The following DCAF5 variants were observed in gnomAD, a reference collection of about 807,000 sequenced individuals.
DCAF5 encodes DDB1- and CUL4-associated factor 5.
DCAF5 carries 9 observed loss-of-function variants against 80.7 expected under a neutral mutation model. That is an observed-to-expected ratio of 0.11 (90% confidence interval 0.07 to 0.19). The LOEUF (loss-of-function observed/expected upper bound fraction) is 0.19. DCAF5 is among the 10% of genes least tolerant of loss of function. DCAF5 has a pLI of 1.00. For missense variants in DCAF5, 842 were observed against 1,205.7 expected (o/e 0.70, Z 4.47); for synonymous variants, 433 against 461.9 (o/e 0.94, Z 0.80).
chr14:69,133,883 A>G (rs1166655484), intron 1 of DCAF5, among the ~76,000 whole-genome samples: 1 of 152,230 alleles, frequency 6.6e-6, no homozygotes, highest in Non-Finnish European at 1.5e-5. Context: ...AGACAGCTAG[A>G]GCCCCATAAA....
At chr14:69,123,288 C>T (rs2040779782) in intron 1 of DCAF5, among the ~76,000 whole-genome samples, 1 of 152,196 alleles carries the variant, frequency 6.6e-6, no homozygotes, top group South Asian at 2.1e-4. Context: ...ACAGCAGAAA[C>T]CTTGTCAGTT....
chr14:69,095,645 C>A (rs1459184798), intron 5 of DCAF5, among the ~76,000 whole-genome samples: 2 of 152,112 alleles, frequency 1.3e-5, no homozygotes, highest in Non-Finnish European at 1.5e-5. Context: ...AAGGCTAAAG[C>A]CTGGGAACAC....
At chr14:69,121,759 C>T (rs374761499) in intron 2 of DCAF5, among the ~76,000 whole-genome samples, 12 of 152,132 alleles carry the variant, frequency 7.9e-5, no homozygotes, top group African/African-American at 2.9e-4. Context: ...TGAGCACCAG[C>T]CATTCCAATT....
intron 1 of DCAF5, among the ~76,000 whole-genome samples, chr14:69,144,940 T>C (rs1566792264): frequency 6.6e-6 from 1 of 152,194 alleles, no homozygotes; most frequent in Non-Finnish European, 1.5e-5. Context: ...AATCCTTCCA[T>C]TTCTCCGATC....
intron 6 of DCAF5, among the ~76,000 whole-genome samples, chr14:69,091,397 T>C (rs1217097790): frequency 1.3e-5 from 2 of 152,174 alleles, no homozygotes; most frequent in Non-Finnish European, 2.9e-5. Flanking sequence ...TGGCACATTC[T>C]TAGAATCTTA....
chr14:69,111,389 TATAAG>T (rs1305685835), intron 5 of DCAF5, among the ~76,000 whole-genome samples: 7 of 152,206 alleles, frequency 4.6e-5, no homozygotes, highest in Admixed American at 2.0e-4. Context: ...AGCACCGTCT[TATAAG>T]ATAAGTCTTT....
chr14:69,087,433 C>T (rs530603162), intron 6 of DCAF5, among the ~76,000 whole-genome samples: 2 of 152,266 alleles, frequency 1.3e-5, no homozygotes, highest in Non-Finnish European at 2.9e-5. Context: ...AGAGTCCGCA[C>T]TATATTGCAA....
At chr14:69,095,452 T>C (rs1026409155) in intron 5 of DCAF5, among the ~76,000 whole-genome samples, 5 of 152,126 alleles carry the variant, frequency 3.3e-5, no homozygotes, top group African/African-American at 4.8e-5. Context: ...CCAAAAGACC[T>C]AGGGCGAAAA....
chr14:69,054,550 T>C lies in DCAF5; in HGVS notation c.2136A>G (p.Leu712=), dbSNP rs745346290. The change falls in exon 9 of 9, where the codon CTA becomes CTG. Residue 712 remains leucine (L), a synonymous_variant. Coordinates refer to ENST00000341516, the MANE Select transcript of DCAF5 (RefSeq NM_003861.3). ...GGTTCCTCTGGGCCATTGCTATGTT[T>C]AGACAGGCTTCCTTACTGGAAGAAG... ...PAPSSSKEAC[L]NIAMAQRNQD... is the part of the protein sequence containing the mutation. The C allele has an allele frequency of 1.2e-6, 2 of 1,614,218 alleles. No homozygotes were observed. The highest frequency in any genetic ancestry group is 1.7e-6 in the Non-Finnish European group (2 of 1,180,018).
rs2037831084 is a variant in DCAF5, at chr14:69,053,620, G to C, written c.*237C>G. ...ACTACGCTCACGTCTCACTAGAAAG[G>C]AGTCACTTGGGTTATTTTTTTTTCC... On this transcript the variant is annotated 3_prime_UTR_variant, in exon 9 of 9. Transcript: ENST00000341516. The C allele has an allele frequency of 2.0e-6, 1 of 496,302 alleles. No individual in the cohort carries two copies. The highest frequency in any genetic ancestry group is 3.6e-5 in the East Asian group (1 of 27,534). The allele number at this position is 496,302 out of a possible 1,614,324, so 30.7% of individuals were successfully genotyped here. A position where few individuals can be genotyped will look rare whatever the true frequency, so the allele number is the denominator to read the frequency against.
chr14:69,138,007 C>T (rs1157346581), intron 1 of DCAF5, among the ~76,000 whole-genome samples: 2 of 152,096 alleles, frequency 1.3e-5, no homozygotes, highest in African/African-American at 4.8e-5. Flanking sequence ...AAACTCATCC[C>T]CCACAGATGA....
At chr14:69,087,445 A>C (rs1201559982) in intron 6 of DCAF5, among the ~76,000 whole-genome samples, 1 of 152,230 alleles carries the variant, frequency 6.6e-6, no homozygotes, top group Non-Finnish European at 1.5e-5. Context: ...ATATTGCAAG[A>C]CTAGAAGGTA....
intron 1 of DCAF5, among the ~76,000 whole-genome samples, chr14:69,151,797 G>C (rs1452941831): frequency 6.6e-6 from 1 of 152,148 alleles, no homozygotes; most frequent in Non-Finnish European, 1.5e-5. Flanking sequence ...GGAGCAATAG[G>C]CTATCGATTC....
intron 6 of DCAF5, among the ~76,000 whole-genome samples, chr14:69,076,927 C>T (rs1199752054): frequency 6.6e-6 from 1 of 152,182 alleles, no homozygotes; most frequent in Non-Finnish European, 1.5e-5. Context: ...CCATCACCAA[C>T]ATAGCCATGA....
At position 69,090,825 on chromosome 14, in the gene DCAF5, G is replaced by A. The variant is rs539595109; in HGVS notation, c.879+849C>T. The A allele has an allele frequency of 2.8e-4, 114 of 406,190 alleles. No individual in the cohort carries two copies. The East Asian group carries it at 4.2e-3, about 15-fold the overall frequency. The allele number at this position is 406,190 out of a possible 1,614,324, so 25.2% of individuals were successfully genotyped here. A position where few individuals can be genotyped will look rare whatever the true frequency, so the allele number is the denominator to read the frequency against. On this transcript the variant is annotated intron_variant, in intron 6 of 8. Coordinates refer to ENST00000341516, the MANE Select transcript of DCAF5 (RefSeq NM_003861.3). ...AAAGATAAGAACACTAAACATTAGC[G>A]AGAGACTAAGGTTTTTCTTTTTCCC...
Position 69,055,642 on chromosome 14 carries a change from AG to A in DCAF5, c.1075-32del, listed in dbSNP as rs1194909232. 2 of 1,566,602 alleles carry A rather than the reference AG, an allele frequency of 1.3e-6. No homozygotes were observed. Among genetic ancestry groups the A allele is most frequent in the Admixed American group, 3.6e-5 (2 of 56,094 alleles). The stretch of plus-strand genomic sequence containing the variant: ...CAGAAAATGAAAAACAAAAGCAACA[AG>A]GAGTAACTGGAAAGTATTCTTTCAC... On this transcript the variant is annotated intron_variant, in intron 8 of 8. Coordinates refer to ENST00000341516, the MANE Select transcript of DCAF5 (RefSeq NM_003861.3). The surrounding 1 kb of genome is among the most constrained non-coding windows in gnomAD (Gnocchi z 5.6).
intron 1 of DCAF5, among the ~76,000 whole-genome samples, chr14:69,126,761 T>C (rs2040887907): frequency 6.6e-6 from 1 of 152,134 alleles, no homozygotes; most frequent in Admixed American, 6.5e-5. Flanking sequence ...CACGTAAGTA[T>C]AATCAACTGA....
chr14:69,126,687 T>C (rs2040885382), intron 1 of DCAF5, among the ~76,000 whole-genome samples: 1 of 152,134 alleles, frequency 6.6e-6, no homozygotes, highest in South Asian at 2.1e-4. Context: ...CAAGACAGTA[T>C]AATACTGGCA....
intron 8 of DCAF5, among the ~76,000 whole-genome samples, chr14:69,061,989 T>C (rs1453374098): frequency 6.6e-6 from 1 of 152,174 alleles, no homozygotes; most frequent in African/African-American, 2.4e-5. Context: ...ACCCTGTCTC[T>C]AAAAAAATTT....
Sources: allele counts gnomAD v4.1 joint callset (sites outside exome capture counted in the v4.1 genomes callset), GRCh38; gene constraint gnomAD v4.1.1; non-coding constraint Gnocchi (gnomAD v3.1); transcripts MANE v1.5; gene names NCBI Gene and HGNC (gene_info 2026-07-23, HGNC 2026-07-21).